Variants in TSGA10 observed in about 807,000 individuals in gnomAD.
The protein encoded by TSGA10 is testis-specific gene 10 protein.
TSGA10 carries 43 observed loss-of-function variants against 96.6 expected under a neutral mutation model. That is an observed-to-expected ratio of 0.44 (90% CI 0.35 to 0.57). The LOEUF (loss-of-function observed/expected upper bound fraction) is 0.57. Among genes scored for constraint, TSGA10 ranks in the 20% least tolerant of loss-of-function variants. The probability of loss-of-function intolerance (pLI) is 0.01; values close to 1 mark genes in which losing one functional copy is unlikely to be tolerated. For missense variants in TSGA10, 703 were observed against 834.4 expected (o/e 0.84, Z 1.94); for synonymous variants, 229 against 269.9 (o/e 0.85, Z 1.48).
chr2:99,021,909 G>A (rs1045532030), intron 17 of TSGA10, among the ~76,000 whole-genome samples: 5 of 152,274 alleles, frequency 3.3e-5, no homozygotes, highest in African/African-American at 9.6e-5. Context: ...AAAATGGACC[G>A]TGATTTTTTT....
At chr2:99,120,647 A>C (rs1488943398) in intron 2 of TSGA10, among the ~76,000 whole-genome samples, 4 of 152,206 alleles carry the variant, frequency 2.6e-5, no homozygotes. Flanking sequence ...AGTACAGAGA[A>C]GTCTCATACG....
At chr2:99,004,282 G>A (rs975055516) in intron 20 of TSGA10, among the ~76,000 whole-genome samples, 1 of 151,892 alleles carries the variant, frequency 6.6e-6, no homozygotes, top group Non-Finnish European at 1.5e-5. Context: ...CCAATAACAG[G>A]CTCTGAAATT....
intron 1 of TSGA10, chr2:99,154,370 A>C (rs979399981): frequency 6.6e-6 from 1 of 152,196 alleles, no homozygotes; most frequent in Non-Finnish European, 1.5e-5. Flanking sequence ...GAGTTGGCAA[A>C]TGGGAATGAT....
chr2:99,131,037 G>A (rs565349086), intron 1 of TSGA10, among the ~76,000 whole-genome samples: 2 of 152,194 alleles, frequency 1.3e-5, no homozygotes, highest in South Asian at 4.2e-4. Flanking sequence ...GATTACTGTA[G>A]CCTTGTAGTA....
intron 10 of TSGA10, among the ~76,000 whole-genome samples, chr2:99,090,674 TTA>T (rs1344829957): frequency 1.3e-5 from 2 of 151,932 alleles, no homozygotes; most frequent in Non-Finnish European, 2.9e-5. Flanking sequence ...ATAAAAAACT[TTA>T]GAGCTTGAAG....
intron 16 of TSGA10, among the ~76,000 whole-genome samples, chr2:99,038,607 A>G (rs2081891613): frequency 6.6e-6 from 1 of 152,208 alleles, no homozygotes; most frequent in African/African-American, 2.4e-5. Context: ...GGAAAATCTC[A>G]CAGTTCTAAA....
chr2:99,103,411 T>C (rs1005994244), intron 10 of TSGA10, among the ~76,000 whole-genome samples: 6 of 152,240 alleles, frequency 3.9e-5, no homozygotes, highest in Non-Finnish European at 8.8e-5. Context: ...CAAAAACTCA[T>C]TCTCCCAAGC....
Position 99,134,754 on chromosome 2 carries a change from ATGGGGTTTC to A in TSGA10, c.-620-7587_-620-7579del, listed in dbSNP as rs1008376882. ...GGTGTTTGATGTTGGTGACCTGCAG[ATGGGGTTTC>A]TGGGGTTTCTGTGTGGACGTCATTT... On this transcript the variant is annotated intron_variant, in intron 1 of 20. Coordinates refer to ENST00000393483, the MANE Select transcript of TSGA10 (RefSeq NM_025244.4). Among the ~76,000 whole-genome samples, 31 of 152,120 alleles carry A rather than the reference ATGGGGTTTC, an allele frequency of 2.0e-4. 1 individual carries two copies. Among genetic ancestry groups the A allele is most frequent in the African/African-American group, 7.5e-4 (31 of 41,504 alleles).
intron 20 of TSGA10, among the ~76,000 whole-genome samples, chr2:99,014,751 A>G (rs1408014753): frequency 6.6e-6 from 1 of 152,224 alleles, no homozygotes; most frequent in African/African-American, 2.4e-5. Context: ...AGCGAGATTA[A>G]CCAAGAAAAG....
At chr2:99,065,193 A>T in intron 15 of TSGA10, 69 bp from the exon 16 acceptor site, 5 of 1,513,702 alleles carry the variant, frequency 3.3e-6, no homozygotes, top group Non-Finnish European at 4.5e-6. Flanking sequence ...ATTATTATCC[A>T]AGTCATTGGG....
At chr2:99,082,268 C>T (rs1319290266) in intron 10 of TSGA10, among the ~76,000 whole-genome samples, 1 of 151,888 alleles carries the variant, frequency 6.6e-6, no homozygotes, top group Non-Finnish European at 1.5e-5. Flanking sequence ...GGTTCCGTTG[C>T]TTTTTTTTGT....
rs566371917 is a variant in TSGA10, at chr2:99,126,986, TG to T, written c.-492+61del. 473 of 1,256,734 alleles carry T rather than the reference TG, an allele frequency of 3.8e-4. 4 individuals carry two copies. The African/African-American group carries it at 6.9e-3, about 18-fold the overall frequency. The allele number at this position is 1,256,734 out of a possible 1,614,324, so 77.8% of individuals were successfully genotyped here. A position where few individuals can be genotyped will look rare whatever the true frequency, so the allele number is the denominator to read the frequency against. Reference sequence around the variant, plus strand: ...AGTAGTTATTTATTCTCTATCTTCTTGTTTCAAAATAGGCTCCCACCCCAAA... The same window carrying T: ...AGTAGTTATTTATTCTCTATCTTCTTTTTCAAAATAGGCTCCCACCCCAAA... On this transcript the variant is annotated intron_variant, in intron 2 of 20. Coordinates refer to ENST00000393483, the MANE Select transcript of TSGA10 (RefSeq NM_025244.4).
chr2:99,059,740 C>T (rs1021033734), intron 16 of TSGA10, among the ~76,000 whole-genome samples: 2 of 148,094 alleles, frequency 1.4e-5, no homozygotes, highest in Middle Eastern at 4.0e-3. Flanking sequence ...TGGTGAAACC[C>T]CGTTTCTACA....
intron 16 of TSGA10, among the ~76,000 whole-genome samples, chr2:99,042,400 T>C (rs1455511565): frequency 6.6e-6 from 1 of 152,072 alleles, no homozygotes; most frequent in Non-Finnish European, 1.5e-5. Context: ...GGCCAGCCCA[T>C]CCAGCAGAGA....
At chr2:99,053,598 T>G (rs2083636432) in intron 16 of TSGA10, among the ~76,000 whole-genome samples, 1 of 152,050 alleles carries the variant, frequency 6.6e-6, no homozygotes, top group South Asian at 2.1e-4. Context: ...CTAAAGAAAC[T>G]AGGTATAGAA....
At chr2:99,025,546 G>T (rs556297287) in intron 17 of TSGA10, among the ~76,000 whole-genome samples, 1 of 152,196 alleles carries the variant, frequency 6.6e-6, no homozygotes, top group Admixed American at 6.5e-5. Context: ...TATTCTGAAA[G>T]AACAAGCTTG....
At chr2:99,105,325 G>A in intron 9 of TSGA10, 34 bp downstream of exon 9, 1 of 1,545,128 alleles carries the variant, frequency 6.5e-7, no homozygotes, top group Non-Finnish European at 8.7e-7. Context: ...AGTGTTTATA[G>A]CCAAAAGAGA....
At chr2:99,048,813 A>T (rs568227853) in intron 16 of TSGA10, among the ~76,000 whole-genome samples, 31 of 152,186 alleles carry the variant, frequency 2.0e-4, no homozygotes, top group African/African-American at 6.5e-4. Flanking sequence ...ATGGGGGAAA[A>T]TTTTTGCAAT....
chr2:99,137,922 T>G (rs893370095), intron 1 of TSGA10, among the ~76,000 whole-genome samples: 1 of 149,258 alleles, frequency 6.7e-6, no homozygotes, highest in African/African-American at 2.5e-5. Flanking sequence ...CATGATGAGT[T>G]GCCTGTATAT....
Sources: gnomAD v4.1 joint callset for allele counts (sites outside exome capture counted in the v4.1 genomes callset) on GRCh38, gnomAD v4.1.1 for gene constraint, MANE v1.5 for transcripts, NCBI Gene and HGNC (gene_info 2026-07-23, HGNC 2026-07-21) for gene names.